ZBTB7C: variants seen among roughly 807,000 people sequenced by gnomAD.
The protein encoded by ZBTB7C is zinc finger and BTB domain-containing protein 7C.
A neutral mutation model predicts 25.7 loss-of-function variants in ZBTB7C; 8 were observed. That is an observed-to-expected ratio of 0.31 (90% confidence interval 0.18 to 0.56). ZBTB7C has a LOEUF of 0.56. Among genes scored for constraint, ZBTB7C ranks in the 20% least tolerant of loss-of-function variants. The pLI is 0.91. For synonymous variants in ZBTB7C, 394 were observed against 369.0 expected, an observed-to-expected ratio of 1.07 and a Z score of -0.78; for missense variants, 824 against 855.2, an observed-to-expected ratio of 0.96 and a Z score of 0.46.
At chr18:48,218,177 G>A (rs1599124067) in intron 2 of ZBTB7C, among the ~76,000 whole-genome samples, 1 of 152,178 alleles carries the variant, frequency 6.6e-6, no homozygotes, top group African/African-American at 2.4e-5. Context: ...TTGTGGCCTT[G>A]GGTACATGTG....
At chr18:48,382,794 A>G in intron 1 of ZBTB7C, among the ~76,000 whole-genome samples, 1 of 152,236 alleles carries the variant, frequency 6.6e-6, no homozygotes, top group East Asian at 1.9e-4. Flanking sequence ...AGGACAAACT[A>G]TACTAATGGC....
At chr18:48,241,154 A>G (rs1040342704) in intron 2 of ZBTB7C, among the ~76,000 whole-genome samples, 1 of 152,194 alleles carries the variant, frequency 6.6e-6, no homozygotes, top group African/African-American at 2.4e-5. Flanking sequence ...AAAAGATCAC[A>G]ATCCTAAATA....
At chr18:48,293,930 G>A (rs1230058792) in intron 2 of ZBTB7C, among the ~76,000 whole-genome samples, 5 of 152,198 alleles carry the variant, frequency 3.3e-5, no homozygotes, top group Non-Finnish European at 7.3e-5. Flanking sequence ...TCAACCTTTT[G>A]TTTAAACTTC....
intron 3 of ZBTB7C, among the ~76,000 whole-genome samples, chr18:48,153,829 G>A (rs1228677632): frequency 6.6e-6 from 1 of 152,114 alleles, no homozygotes; most frequent in Non-Finnish European, 1.5e-5. Flanking sequence ...AGTAAATATG[G>A]GAATACACAC....
intron 2 of ZBTB7C, among the ~76,000 whole-genome samples, chr18:48,276,022 C>A (rs184999444): frequency 1.1e-4 from 16 of 152,068 alleles, no homozygotes; most frequent in African/African-American, 3.9e-4. Flanking sequence ...GAAAGGCTGA[C>A]GGGATTTGAG....
intron 3 of ZBTB7C, among the ~76,000 whole-genome samples, chr18:48,164,641 T>C (rs576182075): frequency 2.6e-5 from 4 of 152,214 alleles, no homozygotes; most frequent in Admixed American, 1.3e-4. Flanking sequence ...AAGCGCTTTT[T>C]TTTGCATCTC....
chr18:48,167,597 T>TGTGTGTGTGTGTGTGCGC (rs779870966), intron 3 of ZBTB7C, among the ~76,000 whole-genome samples: 3 of 148,044 alleles, frequency 2.0e-5, no homozygotes, highest in African/African-American at 4.9e-5. Flanking sequence ...TGTGTGTGTG[T>TGTGTGTGTGTGTGTGCGC]GCGCGCGTGC....
intron 1 of ZBTB7C, among the ~76,000 whole-genome samples, chr18:48,387,307 A>G (rs898603737): frequency 2.0e-5 from 3 of 152,210 alleles, no homozygotes; most frequent in African/African-American, 4.8e-5. Context: ...CATTCCAGGA[A>G]GCCCCACTGG....
chr18:48,409,100 G>A (rs977282455), intron 1 of ZBTB7C, 126 bp downstream of exon 1: 2 of 151,294 alleles, frequency 1.3e-5, no homozygotes, highest in Non-Finnish European at 2.9e-5. Flanking sequence ...TCGCTTTCCG[G>A]CGCAGCCCAA....
At chr18:48,244,379 C>T (rs1376279092) in intron 2 of ZBTB7C, among the ~76,000 whole-genome samples, 4 of 152,092 alleles carry the variant, frequency 2.6e-5, no homozygotes, top group African/African-American at 4.8e-5. Context: ...TGCGCCACTG[C>T]ACTCCAGCCT....
chr18:48,190,592 A>T (rs2145154758), intron 2 of ZBTB7C, among the ~76,000 whole-genome samples: 1 of 152,288 alleles, frequency 6.6e-6, no homozygotes. Flanking sequence ...GTTTAGTATG[A>T]AATTTAGCCT....
intron 3 of ZBTB7C, among the ~76,000 whole-genome samples, chr18:48,132,244 G>C (rs2040008641): frequency 6.6e-6 from 1 of 152,168 alleles, no homozygotes; most frequent in African/African-American, 2.4e-5. Context: ...CAGCAATAAA[G>C]AGAAATGAAG....
At chr18:48,124,182 G>A (rs1426388645) in intron 3 of ZBTB7C, among the ~76,000 whole-genome samples, 2 of 152,172 alleles carry the variant, frequency 1.3e-5, no homozygotes, top group Non-Finnish European at 2.9e-5. Context: ...TAGAAATGTC[G>A]GATTCTCTGG....
chr18:48,172,245 AGTGGGAAGATGG>A (rs767999915), intron 3 of ZBTB7C, among the ~76,000 whole-genome samples: 26 of 152,190 alleles, frequency 1.7e-4, no homozygotes, highest in Non-Finnish European at 2.2e-4. Context: ...ATTTTAAGCT[AGTGGGAAGATGG>A]GTGGGAAGAT....
At chr18:48,389,222 CTCTCTCTCTCTCTCGTGTGTGT>C (rs1161555112) in intron 1 of ZBTB7C, among the ~76,000 whole-genome samples, 69 of 126,774 alleles carry the variant, frequency 5.4e-4, no homozygotes, top group South Asian at 8.7e-4. Context: ...CTCTCTCTCT[CTCTCTCTCTCTCTCGTGTGTGT>C]GTGTGTGTGT....
intron 1 of ZBTB7C, among the ~76,000 whole-genome samples, chr18:48,347,303 T>C (rs550968263): frequency 6.9e-6 from 1 of 145,568 alleles, no homozygotes; most frequent in African/African-American, 2.5e-5. Flanking sequence ...CCTCCCAAAG[T>C]GCTGGGATTA....
chr18:48,352,278 G>A (rs920039807), intron 1 of ZBTB7C, among the ~76,000 whole-genome samples: 1 of 152,236 alleles, frequency 6.6e-6, no homozygotes, highest in Non-Finnish European at 1.5e-5. Context: ...AGGAACCTGA[G>A]CTCAGGGAAC....
intron 2 of ZBTB7C, among the ~76,000 whole-genome samples, chr18:48,293,800 T>C (rs1427829465): frequency 1.3e-5 from 2 of 152,106 alleles, no homozygotes; most frequent in Non-Finnish European, 2.9e-5. Flanking sequence ...AAAATATAAA[T>C]AAAGACAGGG....
At chr18:48,061,374 G>A (rs1468323567) in intron 3 of ZBTB7C, among the ~76,000 whole-genome samples, 1 of 152,106 alleles carries the variant, frequency 6.6e-6, no homozygotes. Context: ...ATAGTCCCAC[G>A]TGGAGTGCTT....
Sources: gnomAD v4.1 joint callset for allele counts (sites outside exome capture counted in the v4.1 genomes callset) on GRCh38, gnomAD v4.1.1 for gene constraint, MANE v1.5 for transcripts, NCBI Gene and HGNC (gene_info 2026-07-23, HGNC 2026-07-21) for gene names.